The following CD200R1L variants were observed in gnomAD, a reference collection of about 807,000 sequenced individuals.
CD200R1L encodes the protein CD200 receptor 1 like.
A neutral mutation model predicts 24.8 loss-of-function variants in CD200R1L; 14 were observed. The observed-to-expected ratio is 0.56, with a 90% CI of 0.37 to 0.88. The LOEUF is 0.88. Ranked by LOEUF, CD200R1L falls within the 40% of genes least tolerant of loss-of-function variation. The probability of loss-of-function intolerance (pLI) is 0.00; values close to 1 mark genes in which losing one functional copy is unlikely to be tolerated. For synonymous variants in CD200R1L, 111 were observed against 109.2 expected (o/e 1.02, Z -0.11); for missense variants, 299 against 297.8 (o/e 1.00, Z -0.03).
chr3:112,834,295 T>C (rs545407647), intron 3 of CD200R1L, among the ~76,000 whole-genome samples: 2 of 146,266 alleles, frequency 1.4e-5, no homozygotes, highest in Non-Finnish European at 3.0e-5. Context: ...TGTAGTTCAG[T>C]GGCATGACCT....
chr3:112,836,037 G>T (rs914637363), intron 3 of CD200R1L, among the ~76,000 whole-genome samples: 3 of 152,256 alleles, frequency 2.0e-5, no homozygotes, highest in African/African-American at 4.8e-5. Context: ...AACCCAATGC[G>T]ACCAGGGACA....
chr3:112,818,076 C>T (rs1938439445), intron 7 of CD200R1L, among the ~76,000 whole-genome samples: 1 of 152,242 alleles, frequency 6.6e-6, no homozygotes, highest in African/African-American at 2.4e-5. Flanking sequence ...CTCTGGGTCC[C>T]TCCCACAACA....
intron 3 of CD200R1L, chr3:112,829,733 A>T (rs9288959): frequency 0.32 from 50,383 of 156,946 alleles, 9,125 homozygotes; most frequent in Non-Finnish European, 0.4. Flanking sequence ...GTCCAATTAT[A>T]CTCCTTTCTC....
chr3:112,836,521 G>A (rs569811696), intron 3 of CD200R1L, among the ~76,000 whole-genome samples: 3 of 152,302 alleles, frequency 2.0e-5, no homozygotes, highest in Admixed American at 2.0e-4. Flanking sequence ...TGGCAACCAG[G>A]CCTCAGACCA....
intron 2 of CD200R1L, among the ~76,000 whole-genome samples, chr3:112,843,757 G>A (rs1052894325): frequency 4.6e-5 from 7 of 152,190 alleles, no homozygotes. Flanking sequence ...AGAGTGGCAA[G>A]TTGGATAAAA....
At chr3:112,823,509 G>A (rs1402736133) in intron 6 of CD200R1L, among the ~76,000 whole-genome samples, 1 of 152,160 alleles carries the variant, frequency 6.6e-6, no homozygotes, top group Admixed American at 6.5e-5. Flanking sequence ...AGGACACCTA[G>A]GTGGTGTCCA....
intron 3 of CD200R1L, 70 bp downstream of exon 3, chr3:112,837,872 T>A: frequency 1.9e-6 from 1 of 525,616 alleles, no homozygotes; most frequent in South Asian, 2.5e-5. Flanking sequence ...GGACAAATGA[T>A]CATGTAAATG....
At chr3:112,828,212 A>G (rs1395372925) in intron 4 of CD200R1L, among the ~76,000 whole-genome samples, 1 of 152,232 alleles carries the variant, frequency 6.6e-6, no homozygotes, top group Non-Finnish European at 1.5e-5. Context: ...ATTTCAGACA[A>G]CCATAAATGT....
chr3:112,823,396 G>A (rs1006073095), intron 6 of CD200R1L, among the ~76,000 whole-genome samples: 1 of 152,200 alleles, frequency 6.6e-6, no homozygotes, highest in African/African-American at 2.4e-5. Flanking sequence ...GGCAATCTGG[G>A]ACTTGTGACT....
At chr3:112,816,161 A>T (rs1329904153) in intron 7 of CD200R1L, among the ~76,000 whole-genome samples, 186 bp from the exon 8 acceptor site, 2 of 152,218 alleles carry the variant, frequency 1.3e-5, no homozygotes, top group African/African-American at 4.8e-5. Context: ...TGTATAACAA[A>T]CAACCATAAA....
chr3:112,846,070 A>G, intron 1 of CD200R1L, 120 bp from the exon 2 acceptor site: 1 of 197,154 alleles, frequency 5.1e-6, no homozygotes, highest in Non-Finnish European at 1.0e-5. Flanking sequence ...AGTATAAATT[A>G]CATATGGTAA....
At chr3:112,828,909 A>G (rs1938730972) in intron 4 of CD200R1L, among the ~76,000 whole-genome samples, 1 of 152,182 alleles carries the variant, frequency 6.6e-6, no homozygotes, top group Non-Finnish European at 1.5e-5. Context: ...GCAAAACTTT[A>G]TGTGGATGAA....
At chr3:112,818,980 C>G (rs1938464476) in intron 7 of CD200R1L, among the ~76,000 whole-genome samples, 1 of 152,200 alleles carries the variant, frequency 6.6e-6, no homozygotes, top group African/African-American at 2.4e-5. Flanking sequence ...AACTGACTCA[C>G]AGTTCCACAT....
At chr3:112,820,218 A>T (rs1453561430) in intron 6 of CD200R1L, among the ~76,000 whole-genome samples, 1 of 152,180 alleles carries the variant, frequency 6.6e-6, no homozygotes, top group East Asian at 1.9e-4. Context: ...CCAACTTCCC[A>T]TGCAAATATT....
chr3:112,823,615 A>G (rs1184448236), intron 6 of CD200R1L, among the ~76,000 whole-genome samples: 1 of 152,210 alleles, frequency 6.6e-6, no homozygotes, highest in East Asian at 1.9e-4. Context: ...ACTCAATTAC[A>G]GGGCTGTGGA....
chr3:112,841,888 T>C (rs538672337), intron 2 of CD200R1L, among the ~76,000 whole-genome samples: 1 of 152,300 alleles, frequency 6.6e-6, no homozygotes, highest in South Asian at 2.1e-4. Flanking sequence ...ATCTGTGGCC[T>C]AAGTTCAAGC....
Position 112,837,949 on chromosome 3 carries a change from A to G in CD200R1L, c.-25T>C. The G allele has an allele frequency of 3.3e-6, 4 of 1,222,648 alleles. No homozygotes were observed. The highest frequency in any genetic ancestry group is 4.2e-6 in the Non-Finnish European group (4 of 958,240). The allele number at this position is 1,222,648 out of a possible 1,614,324, so 75.7% of individuals were successfully genotyped here. A position where few individuals can be genotyped will look rare whatever the true frequency, so the allele number is the denominator to read the frequency against. ...AGTAAGTGAGCATTTTACCTTCATT[A>G]AGACGTATTCTCTAACTTTGTATTT... is the stretch of plus-strand genomic sequence containing the variant. On this transcript the variant is annotated 5_prime_UTR_variant, in exon 3 of 8. Transcript: ENST00000488794.
chr3:112,841,676 A>G (rs887770799), intron 2 of CD200R1L, among the ~76,000 whole-genome samples: 4 of 152,180 alleles, frequency 2.6e-5, no homozygotes, highest in Non-Finnish European at 1.5e-5. Flanking sequence ...GCCCCACCCA[A>G]GGCCCATGCC....
chr3:112,837,935 A>G lies in CD200R1L; in HGVS notation c.-18+7T>C, dbSNP rs1029953062. The G allele has an allele frequency of 1.7e-6, 2 of 1,187,310 alleles. No homozygotes were observed. Among genetic ancestry groups the G allele is most frequent in the African/African-American group, 1.7e-5 (1 of 59,034 alleles). The allele number at this position is 1,187,310 out of a possible 1,614,324, so 73.5% of individuals were successfully genotyped here. A position where few individuals can be genotyped will look rare whatever the true frequency, so the allele number is the denominator to read the frequency against. ...CAAACTGGTTATTAAGTAAGTGAGC[A>G]TTTTACCTTCATTAAGACGTATTCT... On this transcript the variant is annotated splice_region_variant and intron_variant, in intron 3 of 7. Coordinates refer to ENST00000488794, the MANE Select transcript of CD200R1L (RefSeq NM_001199215.3).
Sources: allele counts gnomAD v4.1 joint callset (sites outside exome capture counted in the v4.1 genomes callset), GRCh38; gene constraint gnomAD v4.1.1; transcripts MANE v1.5; gene names NCBI Gene and HGNC (gene_info 2026-07-23, HGNC 2026-07-21).